TNNI3K: variants seen among roughly 807,000 people sequenced by gnomAD.
The protein encoded by TNNI3K is TNNI3 interacting kinase, also known as serine/threonine-protein kinase TNNI3K.
Under a neutral mutation model 114.5 loss-of-function variants are expected in TNNI3K, and 140 were observed. That is an observed-to-expected ratio of 1.22 (90% confidence interval 1.07 to 1.41). TNNI3K has a LOEUF of 1.41. Ranked by LOEUF, TNNI3K falls within the 40% of genes most tolerant of loss-of-function variation. The pLI is 0.00. For synonymous variants in TNNI3K, 347 were observed against 347.5 expected, an observed-to-expected ratio of 1.00 and a Z score of 0.02; for missense variants, 1,125 against 1,007.6, an observed-to-expected ratio of 1.12 and a Z score of -1.58.
At chr1:74,269,314 C>T (rs554737977) in intron 4 of TNNI3K, among the ~76,000 whole-genome samples, 61 of 151,932 alleles carry the variant, frequency 4.0e-4, no homozygotes, top group South Asian at 2.9e-3. Flanking sequence ...GTGAGAGCAG[C>T]GATTTCACTA....
intron 17 of TNNI3K, among the ~76,000 whole-genome samples, chr1:74,422,365 C>T (rs1449359904): frequency 3.3e-5 from 5 of 151,988 alleles, no homozygotes; most frequent in African/African-American, 9.7e-5. Flanking sequence ...TGAAAAAACA[C>T]TATATGTCAG....
chr1:74,419,034 C>A (rs957669076), intron 17 of TNNI3K, among the ~76,000 whole-genome samples: 1 of 152,022 alleles, frequency 6.6e-6, no homozygotes, highest in Non-Finnish European at 1.5e-5. Context: ...TTTCCTGTGG[C>A]TTTCGTAACA....
At chr1:74,509,097 A>G (rs1000009318) in intron 23 of TNNI3K, among the ~76,000 whole-genome samples, 3 of 152,264 alleles carry the variant, frequency 2.0e-5, no homozygotes, top group Non-Finnish European at 2.9e-5. Flanking sequence ...TCTTCTTTTT[A>G]TCACTTATTC....
chr1:74,239,903 T>A (rs1018889638), intron 2 of TNNI3K: 1 of 467,600 alleles, frequency 2.1e-6, no homozygotes, highest in African/African-American at 2.0e-5. Context: ...GGAATGTTCT[T>A]TCATCTTCTG....
intron 5 of TNNI3K, among the ~76,000 whole-genome samples, chr1:74,303,023 C>T (rs1396228233): frequency 6.6e-6 from 1 of 152,260 alleles, no homozygotes; most frequent in East Asian, 1.9e-4. Context: ...CTCTTGTCAG[C>T]AACTAATGCA....
chr1:74,446,423 G>A (rs1666682180), intron 20 of TNNI3K, among the ~76,000 whole-genome samples: 1 of 150,832 alleles, frequency 6.6e-6, no homozygotes, highest in East Asian at 1.9e-4. Flanking sequence ...TGAATTCATT[G>A]TAGATTCTGG....
At position 74,369,377 on chromosome 1, in the gene TNNI3K, G is replaced by C. The variant is rs1170880747; in HGVS notation, c.1473-14G>C. On this transcript the variant is annotated splice_polypyrimidine_tract_variant and intron_variant, in intron 15 of 24. Coordinates refer to ENST00000326637, the MANE Select transcript of TNNI3K (RefSeq NM_015978.3). Reference sequence around the variant, plus strand: ...ATCTGTTTACTGAAGATTTTCTGTTGCTGCCATTTCCAGTTATCGAGCCAA... The same window carrying C: ...ATCTGTTTACTGAAGATTTTCTGTTCCTGCCATTTCCAGTTATCGAGCCAA... 1.2e-6 allele frequency: 2 copies of C among 1,606,280 alleles called. No individual in the cohort carries two copies. The highest frequency in any genetic ancestry group is 2.2e-5 in the South Asian group (2 of 89,918).
At chr1:74,454,671 G>T (rs931206713) in intron 20 of TNNI3K, among the ~76,000 whole-genome samples, 1 of 152,094 alleles carries the variant, frequency 6.6e-6, no homozygotes, top group Non-Finnish European at 1.5e-5. Flanking sequence ...TTGTGCTGCA[G>T]TAAACATGGG....
chr1:74,445,201 CTTCTTTTTTTTTTTTCT>C (rs1304030547), intron 20 of TNNI3K, among the ~76,000 whole-genome samples: 2 of 130,022 alleles, frequency 1.5e-5, no homozygotes, highest in Admixed American at 1.8e-4. Flanking sequence ...AACTAAAGAA[CTTCTTTTTTTTTTTTCT>C]TTCTTTTTTT....
chr1:74,283,515 G>T (rs572180), intron 5 of TNNI3K, among the ~76,000 whole-genome samples: 22,945 of 152,140 alleles, frequency 0.15, 1,807 homozygotes, highest in South Asian at 0.25. Context: ...TGCTTTCAGG[G>T]TGAGGTAGAA....
At chr1:74,248,765 A>G (rs191529196) in intron 2 of TNNI3K, among the ~76,000 whole-genome samples, 31 of 152,232 alleles carry the variant, frequency 2.0e-4, no homozygotes, top group African/African-American at 6.5e-4. Context: ...AGAGACTAGA[A>G]TCCCTCTCCC....
chr1:74,282,725 C>T (rs1338633339), intron 5 of TNNI3K, among the ~76,000 whole-genome samples: 2 of 152,112 alleles, frequency 1.3e-5, no homozygotes, highest in Admixed American at 6.6e-5. Flanking sequence ...TTCTCTGTCT[C>T]TTTCTGTCTC....
rs1473230114 is a variant in TNNI3K, at chr1:74,257,016, A to G, written c.333+6247A>G. 2.6e-5 allele frequency among the ~76,000 whole-genome samples: 4 copies of G among 152,150 alleles called. No individual in the cohort carries two copies. The East Asian group carries it at 7.7e-4, about 29-fold the overall frequency. ...AATTTTGACCATTAGTTTTTCAAAT[A>G]CATATGTTAGATTGTTTGATAATTT... is the stretch of plus-strand genomic sequence containing the variant. On this transcript the variant is annotated intron_variant, in intron 4 of 24. Transcript: ENST00000326637.
chr1:74,411,252 C>T (rs1664864666), intron 17 of TNNI3K, among the ~76,000 whole-genome samples: 1 of 152,104 alleles, frequency 6.6e-6, no homozygotes, highest in Admixed American at 6.6e-5. Flanking sequence ...GGCCCCTGAA[C>T]AGGTAAGGCT....
At chr1:74,425,278 A>G (rs45621237) in intron 17 of TNNI3K, among the ~76,000 whole-genome samples, 1,865 of 152,216 alleles carry the variant, frequency 0.012, 42 homozygotes, top group African/African-American at 0.042. Flanking sequence ...ATATCCAGCA[A>G]TGTAGTAAAA....
At chr1:74,527,232 A>G (rs1254987126) in intron 23 of TNNI3K, among the ~76,000 whole-genome samples, 1 of 152,246 alleles carries the variant, frequency 6.6e-6, no homozygotes, top group African/African-American at 2.4e-5. Context: ...ATCCTTGAGC[A>G]GTGGCTAAAG....
intron 2 of TNNI3K, among the ~76,000 whole-genome samples, chr1:74,242,246 C>A (rs1255137061): frequency 6.6e-6 from 1 of 152,074 alleles, no homozygotes; most frequent in Non-Finnish European, 1.5e-5. Context: ...ATTACAGTGC[C>A]TCACTTTAAA....
At chr1:74,253,504 G>T (rs896476280) in intron 4 of TNNI3K, among the ~76,000 whole-genome samples, 1 of 152,140 alleles carries the variant, frequency 6.6e-6, no homozygotes, top group African/African-American at 2.4e-5. Context: ...GGCAGCTATG[G>T]CCTGCTGAGA....
intron 21 of TNNI3K, among the ~76,000 whole-genome samples, chr1:74,478,698 T>G (rs1668327677): frequency 6.6e-6 from 1 of 152,212 alleles, no homozygotes; most frequent in Non-Finnish European, 1.5e-5. Flanking sequence ...TTCACTTTGC[T>G]TAACTTAGTA....
Sources: gnomAD v4.1 joint callset for allele counts (sites outside exome capture counted in the v4.1 genomes callset) on GRCh38, gnomAD v4.1.1 for gene constraint, MANE v1.5 for transcripts, NCBI Gene and HGNC (gene_info 2026-07-23, HGNC 2026-07-21) for gene names.